The following RGS7 variants were observed in gnomAD, a reference collection of about 807,000 sequenced individuals.
RGS7 encodes regulator of G protein signaling 7.
In RGS7, 27 loss-of-function variants were observed where a neutral mutation model predicts 81.1. The ratio of observed to expected loss-of-function variants is 0.33; its 90% CI spans 0.25 to 0.46. The LOEUF (loss-of-function observed/expected upper bound fraction) is 0.46. Among genes scored for constraint, RGS7 ranks in the 20% least tolerant of loss-of-function variants. The pLI is 1.00. For missense variants in RGS7, 396 were observed against 607.4 expected, an observed-to-expected ratio of 0.65 and a Z score of 3.66; for synonymous variants, 208 against 207.7, an observed-to-expected ratio of 1.00 and a Z score of -0.01.
At chr1:241,003,585 G>A (rs1368029635) in intron 3 of RGS7, among the ~76,000 whole-genome samples, 2 of 151,918 alleles carry the variant, frequency 1.3e-5, no homozygotes, top group East Asian at 1.9e-4. Context: ...GAAGGATAAT[G>A]GAATTCCATC....
intron 10 of RGS7, chr1:240,823,412 A>T: frequency 2.5e-6 from 1 of 404,348 alleles, no homozygotes. Flanking sequence ...TGGGCCCGGC[A>T]GAGGCAGGGC....
chr1:241,279,876 CTGTG>C (rs1263444578), intron 2 of RGS7, among the ~76,000 whole-genome samples: 4 of 152,172 alleles, frequency 2.6e-5, no homozygotes, highest in Admixed American at 6.5e-5. Context: ...ACCCAGGCTG[CTGTG>C]TGTATCAACA....
intron 2 of RGS7, among the ~76,000 whole-genome samples, chr1:241,131,932 C>T (rs1415863535): frequency 3.9e-5 from 6 of 152,136 alleles, no homozygotes; most frequent in Non-Finnish European, 8.8e-5. Flanking sequence ...TTACACATCC[C>T]GTTAAGAAGA....
rs187817753 is a variant in RGS7 at position 240,905,398 on chromosome 1, C to T, written c.385+25319G>A. On this transcript the variant is annotated intron_variant, in intron 6 of 18. Coordinates refer to ENST00000440928, the MANE Select transcript of RGS7 (RefSeq NM_001364886.1). ...TAGAAGAACCAGAAAGAAGCAGCGA[C>T]AGGTAGGCGGAGAGAGGAAGGGAGG... 2.4e-3 allele frequency among the ~76,000 whole-genome samples: 371 copies of T among 152,250 alleles called. 1 individual carries two copies. Among genetic ancestry groups the T allele is most frequent in the Non-Finnish European group, 3.9e-3 (267 of 68,010 alleles).
chr1:241,290,805 A>G (rs115201922), intron 2 of RGS7, among the ~76,000 whole-genome samples: 15 of 152,324 alleles, frequency 9.8e-5, no homozygotes, highest in Non-Finnish European at 1.9e-4. Flanking sequence ...TTGACAGCAA[A>G]TATCTCATGA....
intron 3 of RGS7, among the ~76,000 whole-genome samples, chr1:241,037,713 T>C (rs2060403640): frequency 1.0e-5 from 1 of 97,826 alleles, no homozygotes; most frequent in Non-Finnish European, 2.1e-5. Context: ...AGAGTGAGAC[T>C]CCATCTCAAA....
intron 2 of RGS7, among the ~76,000 whole-genome samples, chr1:241,280,524 G>T (rs2078442082): frequency 6.6e-6 from 1 of 152,296 alleles, no homozygotes; most frequent in East Asian, 1.9e-4. Flanking sequence ...TTGAGACAGG[G>T]TCTTGCTCTG....
At position 240,868,954 on chromosome 1, in the gene RGS7, T is replaced by G. The variant is rs1663984107; in HGVS notation, c.451-102A>C. On this transcript the variant is annotated intron_variant, in intron 7 of 18. Transcript: ENST00000440928. This position sits in a 1 kb window ranked among gnomAD's most constrained non-coding sequence, Gnocchi z 5.1. ...TTGTCAAGGAAACAAATAGAGAGTT[T>G]CTAAAGCCCTAAGTGTACTGTGGTT... The G allele has an allele frequency of 2.9e-6, 3 of 1,052,206 alleles. No individual in the cohort carries two copies. The South Asian group carries it at 3.8e-5, about 13-fold the overall frequency. 65.2% of individuals were successfully genotyped at this position (1,052,206 alleles called of 1,614,324 possible). A position where few individuals can be genotyped will look rare whatever the true frequency, so the allele number is the denominator to read the frequency against.
At chr1:240,985,684 G>C (rs1302788224) in intron 3 of RGS7, among the ~76,000 whole-genome samples, 1 of 151,896 alleles carries the variant, frequency 6.6e-6, no homozygotes, top group African/African-American at 2.4e-5. Flanking sequence ...TTAGGTTATG[G>C]ATTTTTAAAT....
At chr1:241,187,954 G>C (rs970675719) in intron 2 of RGS7, among the ~76,000 whole-genome samples, 4 of 151,838 alleles carry the variant, frequency 2.6e-5, no homozygotes, top group Non-Finnish European at 5.9e-5. Context: ...AAGGAGAAGG[G>C]AGAGATGAAG....
chr1:240,822,318 T>A (rs947695349), intron 10 of RGS7, among the ~76,000 whole-genome samples: 1 of 152,178 alleles, frequency 6.6e-6, no homozygotes, highest in African/African-American at 2.4e-5. Flanking sequence ...AAAACACTTA[T>A]TTTACTGTAT....
chr1:241,085,172 G>C (rs1314537489), intron 3 of RGS7, among the ~76,000 whole-genome samples: 1 of 152,302 alleles, frequency 6.6e-6, no homozygotes, highest in African/African-American at 2.4e-5. Flanking sequence ...ATCCATGCAG[G>C]AGAATGGAAT....
At chr1:241,202,308 TC>T (rs148372380) in intron 2 of RGS7, among the ~76,000 whole-genome samples, 29,455 of 152,066 alleles carry the variant, frequency 0.19, 4,022 homozygotes, top group African/African-American at 0.39. Flanking sequence ...TAATTCATTT[TC>T]CCCATCCCCT....
At chr1:241,267,806 A>G (rs1187426547) in intron 2 of RGS7, among the ~76,000 whole-genome samples, 4 of 152,220 alleles carry the variant, frequency 2.6e-5, no homozygotes, top group Admixed American at 2.6e-4. Flanking sequence ...CATAGAATCA[A>G]TGGAATCTTC....
At chr1:241,129,264 C>CAA (rs369999096) in intron 2 of RGS7, among the ~76,000 whole-genome samples, 198 of 145,752 alleles carry the variant, frequency 1.4e-3, no homozygotes, top group African/African-American at 2.4e-3. Context: ...AACAAACAAA[C>CAA]AAACAAAAAA....
At position 240,868,618 on chromosome 1, in the gene RGS7, T is replaced by A; in HGVS notation, c.578A>T (p.Glu193Val). 6.2e-7 allele frequency: 1 copy of A among 1,614,198 alleles called. No individual in the cohort carries two copies. The highest frequency in any genetic ancestry group is 1.1e-5 in the South Asian group (1 of 91,088). ...CCTGTGCACGTCCCAGAACGCTCTC[T>A]CTTGGCTGTCAAGGATCTTCCTTTC... ...KIERKILDSQERAFWDVHRPV... is the reference protein window; with the variant it reads ...KIERKILDSQVRAFWDVHRPV... Residue 193 changes from glutamate to valine, a missense_variant, in exon 9 of 19, where the codon GAG becomes GTG. Physicochemically the swap from Glu to Val is moderately radical, Grantham distance 121. Transcript: ENST00000440928. The surrounding 1 kb of genome is among the most constrained non-coding windows in gnomAD (Gnocchi z 5.1).
chr1:240,860,052 T>C (rs1201315724), intron 9 of RGS7, among the ~76,000 whole-genome samples: 1 of 152,206 alleles, frequency 6.6e-6, no homozygotes, highest in Non-Finnish European at 1.5e-5. Context: ...ATCATTTTGG[T>C]CTGAGAACAT....
intron 18 of RGS7, among the ~76,000 whole-genome samples, chr1:240,776,974 C>G (rs1045722439): frequency 6.6e-6 from 1 of 152,202 alleles, no homozygotes; most frequent in East Asian, 1.9e-4. Flanking sequence ...AACAGTGTTG[C>G]TGTTAATCAC....
Position 240,868,555 on chromosome 1 carries a change from G to A in RGS7, c.609+32C>T. On this transcript the variant is annotated intron_variant, in intron 9 of 18. Transcript: ENST00000440928. The surrounding 1 kb of genome is among the most constrained non-coding windows in gnomAD (Gnocchi z 5.1). Reference sequence around the variant, plus strand: ...CTCACTTCCCACAGACGGAGAAGATGGATTCAAGACGAGAGTGCGACGCTT... The same window carrying A: ...CTCACTTCCCACAGACGGAGAAGATAGATTCAAGACGAGAGTGCGACGCTT... The A allele has an allele frequency of 6.2e-7, 1 of 1,600,880 alleles. No individual in the cohort carries two copies. The highest frequency in any genetic ancestry group is 8.6e-7 in the Non-Finnish European group (1 of 1,168,126).
Sources: allele counts gnomAD v4.1 joint callset (sites outside exome capture counted in the v4.1 genomes callset), GRCh38; gene constraint gnomAD v4.1.1; non-coding constraint Gnocchi (gnomAD v3.1); transcripts MANE v1.5; gene names NCBI Gene and HGNC (gene_info 2026-07-23, HGNC 2026-07-21).